Variants in BICD1 observed in about 807,000 individuals in gnomAD.
BICD1 encodes BICD cargo adaptor 1.
Under a neutral mutation model 92.5 loss-of-function variants are expected in BICD1, and 35 were observed. That is an observed-to-expected ratio of 0.38 (90% CI 0.29 to 0.50). The LOEUF (loss-of-function observed/expected upper bound fraction) is 0.50, where lower values mean the gene tolerates loss of function less well. Ranked by LOEUF, BICD1 falls within the 20% of genes least tolerant of loss-of-function variation. The pLI is 0.93. For synonymous variants in BICD1, 429 were observed against 465.1 expected, an observed-to-expected ratio of 0.92 and a Z score of 1.00; for missense variants, 950 against 1,189.8, an observed-to-expected ratio of 0.80 and a Z score of 2.97.
chr12:32,300,653 T>C (rs9668631), intron 3 of BICD1, among the ~76,000 whole-genome samples: 24,782 of 136,226 alleles, frequency 0.18, 3,061 homozygotes, highest in African/African-American at 0.32. Context: ...TTTTTTTTTT[T>C]TTTTTTTGGA....
chr12:32,122,815 A>G (rs1486221054), intron 1 of BICD1, among the ~76,000 whole-genome samples: 1 of 152,234 alleles, frequency 6.6e-6, no homozygotes, highest in African/African-American at 2.4e-5. Flanking sequence ...ATCAATGCCA[A>G]GCGAAAAAAT....
At chr12:32,291,773 G>T (rs2136189874) in intron 2 of BICD1, among the ~76,000 whole-genome samples, 1 of 152,262 alleles carries the variant, frequency 6.6e-6, no homozygotes, top group African/African-American at 2.4e-5. Flanking sequence ...GGGAGGTCAA[G>T]ACTGCAGTAA....
chr12:32,325,987 G>A (rs1181442861), intron 4 of BICD1, among the ~76,000 whole-genome samples: 1 of 151,510 alleles, frequency 6.6e-6, no homozygotes, highest in Admixed American at 6.6e-5. Context: ...GGAGGCTGAG[G>A]TGGGAGAATG....
At chr12:32,198,266 T>A (rs1944783552) in intron 1 of BICD1, among the ~76,000 whole-genome samples, 2 of 148,510 alleles carry the variant, frequency 1.3e-5, no homozygotes, top group Admixed American at 1.4e-4. Flanking sequence ...CCTTAAAGTT[T>A]TTACGGCACA....
At chr12:32,244,162 CTTGGAAAAAAATCAATACTA>C (rs747147647) in intron 2 of BICD1, among the ~76,000 whole-genome samples, 2 of 151,502 alleles carry the variant, frequency 1.3e-5, no homozygotes, top group African/African-American at 2.4e-5. Flanking sequence ...TACAATGAGA[CTTGGAAAAAAATCAATACTA>C]AGTTTCTTTT....
In BICD1 at chr12:32,367,754, A is replaced by T; in HGVS notation, c.2840+9A>T. 6.2e-7 allele frequency: 1 copy of T among 1,612,134 alleles called. No homozygotes were observed. The highest frequency in any genetic ancestry group is 8.5e-7 in the Non-Finnish European group (1 of 1,178,238). On this transcript the variant is annotated intron_variant, in intron 9 of 9. Coordinates refer to ENST00000652176, the MANE Select transcript of BICD1 (RefSeq NM_001714.4). Reference sequence around the variant, plus strand: ...GACTGCCCAACTGTCAGGTAAATTCAGATGTCCTTTCCCTTCCACCCAGCT... The same window carrying T: ...GACTGCCCAACTGTCAGGTAAATTCTGATGTCCTTTCCCTTCCACCCAGCT...
chr12:32,311,628 G>C (rs553113870), intron 4 of BICD1, among the ~76,000 whole-genome samples: 8 of 152,348 alleles, frequency 5.3e-5, no homozygotes, highest in South Asian at 2.1e-4. Context: ...GTCTGAAGGC[G>C]TGGGATCAAT....
chr12:32,337,376 C>T lies in BICD1; in HGVS notation c.2253-123C>T. 1.2e-6 allele frequency: 1 copy of T among 805,438 alleles called. No individual in the cohort carries two copies. The allele number at this position is 805,438 out of a possible 1,614,324, so 49.9% of individuals were successfully genotyped here. ...ATTGTGGGTTATCTACATTCTATTG[C>T]TAGACCTTTAAACCAGTCTTCTAAA... On this transcript the variant is annotated intron_variant, in intron 6 of 9. Coordinates refer to ENST00000652176, the MANE Select transcript of BICD1 (RefSeq NM_001714.4). The surrounding 1 kb of genome is among the most constrained non-coding windows in gnomAD (Gnocchi z 4.7).
intron 2 of BICD1, among the ~76,000 whole-genome samples, chr12:32,288,900 G>A (rs556060605): frequency 1.4e-4 from 21 of 151,982 alleles, no homozygotes; most frequent in African/African-American, 3.6e-4. Flanking sequence ...TAACATGTTC[G>A]GTGTTTTCTG....
intron 4 of BICD1, among the ~76,000 whole-genome samples, chr12:32,316,363 T>C (rs1948500542): frequency 6.6e-6 from 1 of 151,780 alleles, no homozygotes. Flanking sequence ...TGATCTTGGC[T>C]CCCTGCAACC....
chr12:32,273,605 T>C (rs1317907973), intron 2 of BICD1, among the ~76,000 whole-genome samples: 2 of 152,320 alleles, frequency 1.3e-5, no homozygotes, highest in Admixed American at 1.3e-4. Flanking sequence ...GGTGTCTAAA[T>C]TTCAGTAATA....
At chr12:32,142,453 C>CCCATCTATCTAT (rs1555134301) in intron 1 of BICD1, among the ~76,000 whole-genome samples, 5 of 112,882 alleles carry the variant, frequency 4.4e-5, no homozygotes, top group Non-Finnish European at 8.6e-5. Context: ...ACCTATCTAT[C>CCCATCTATCTAT]CTATCTATCT....
chr12:32,263,412 T>C (rs2632364), intron 2 of BICD1, among the ~76,000 whole-genome samples: 60,536 of 151,580 alleles, frequency 0.4, 13,261 homozygotes, highest in South Asian at 0.5. Flanking sequence ...CCAGGTGTGG[T>C]GGTGGGCACC....
intron 1 of BICD1, among the ~76,000 whole-genome samples, chr12:32,210,028 C>T (rs189417237): frequency 6.6e-6 from 1 of 152,308 alleles, no homozygotes; most frequent in East Asian, 1.9e-4. Context: ...CACTGCTAGC[C>T]TATGCTCTTG....
rs531178272 is a variant in BICD1 at position 32,268,546 on chromosome 12, A to G, written c.427-25448A>G. Reference sequence around the variant, plus strand: ...CACGGTCGCTCATGCCTGTAATCTTAGCGCTTTGGGAGGCCAAGGCAGGTG... The same window carrying G: ...CACGGTCGCTCATGCCTGTAATCTTGGCGCTTTGGGAGGCCAAGGCAGGTG... On this transcript the variant is annotated intron_variant, in intron 2 of 9. Transcript: ENST00000652176. 4.6e-5 allele frequency among the ~76,000 whole-genome samples: 7 copies of G among 152,362 alleles called. No individual in the cohort carries two copies. In the East Asian group the frequency reaches 1.3e-3, roughly 29 times the overall value.
chr12:32,320,174 T>C (rs1397122361), intron 4 of BICD1, among the ~76,000 whole-genome samples: 1 of 152,204 alleles, frequency 6.6e-6, no homozygotes, highest in Non-Finnish European at 1.5e-5. Context: ...TGTATACTGT[T>C]AGAAGAATCA....
intron 3 of BICD1, among the ~76,000 whole-genome samples, chr12:32,295,316 A>G (rs1947838013): frequency 6.6e-6 from 1 of 152,306 alleles, no homozygotes; most frequent in East Asian, 1.9e-4. Flanking sequence ...TTAATTAAGC[A>G]AAGGTGAATT....
intron 8 of BICD1, among the ~76,000 whole-genome samples, chr12:32,347,716 A>G (rs1938683673): frequency 6.6e-6 from 1 of 152,156 alleles, no homozygotes; most frequent in East Asian, 1.9e-4. Context: ...CTCCTTGTCA[A>G]TATAAAAACT....
intron 1 of BICD1, among the ~76,000 whole-genome samples, chr12:32,136,738 TG>T (rs1483963208): frequency 4.6e-5 from 7 of 152,252 alleles, no homozygotes; most frequent in Middle Eastern, 3.4e-3. Context: ...CATGCCATTT[TG>T]ATAAATACAT....
Sources: gnomAD v4.1 joint callset for allele counts (sites outside exome capture counted in the v4.1 genomes callset) on GRCh38, gnomAD v4.1.1 for gene constraint, Gnocchi (gnomAD v3.1) non-coding constraint, MANE v1.5 for transcripts, NCBI Gene and HGNC (gene_info 2026-07-23, HGNC 2026-07-21) for gene names.